The following FIG4 variants were observed in gnomAD, a reference collection of about 807,000 sequenced individuals.
FIG4 encodes FIG4 phosphoinositide 5-phosphatase.
In FIG4, 112 loss-of-function variants were observed where a neutral mutation model predicts 118.6. The observed-to-expected ratio is 0.94, with a 90% CI of 0.81 to 1.11. The LOEUF (loss-of-function observed/expected upper bound fraction) is 1.11, where lower values mean the gene tolerates loss of function less well. Ranked by LOEUF, FIG4 falls within the 50% of genes least tolerant of loss-of-function variation. The pLI is 0.00. For synonymous variants in FIG4, 369 were observed against 381.2 expected (o/e 0.97, Z 0.37); for missense variants, 969 against 1,111.7 (o/e 0.87, Z 1.83).
intron 10 of FIG4, among the ~76,000 whole-genome samples, chr6:109,751,705 G>C (rs1776702214): frequency 6.6e-6 from 1 of 151,762 alleles, no homozygotes. Context: ...TTTGCATAGA[G>C]GTGTTTATAG....
intron 19 of FIG4, among the ~76,000 whole-genome samples, chr6:109,790,027 C>A (rs181366681): frequency 6.6e-6 from 1 of 152,230 alleles, no homozygotes; most frequent in Admixed American, 6.5e-5. Flanking sequence ...AGCAAATATA[C>A]CCTGTTACGG....
chr6:109,782,587 G>A (rs1165835295), intron 16 of FIG4, among the ~76,000 whole-genome samples: 1 of 141,536 alleles, frequency 7.1e-6, no homozygotes, highest in Non-Finnish European at 1.5e-5. Context: ...CAAGCTGATT[G>A]TAAGCAACAT....
intron 1 of FIG4, among the ~76,000 whole-genome samples, chr6:109,702,697 T>C (rs886643395): frequency 6.6e-6 from 1 of 152,204 alleles, no homozygotes; most frequent in African/African-American, 2.4e-5. Flanking sequence ...ATTTATCTCC[T>C]TTCCCTACCA....
chr6:109,788,415 G>T (rs1459825799), intron 18 of FIG4, among the ~76,000 whole-genome samples: 1 of 152,192 alleles, frequency 6.6e-6, no homozygotes, highest in African/African-American at 2.4e-5. Flanking sequence ...CACCAAAAAT[G>T]TGAAAAACAT....
intron 12 of FIG4, among the ~76,000 whole-genome samples, chr6:109,762,689 A>C (rs1777148744): frequency 6.6e-6 from 1 of 151,756 alleles, no homozygotes; most frequent in Admixed American, 6.6e-5. Flanking sequence ...CAGTTAATGT[A>C]GTTAACTACA....
intron 22 of FIG4, among the ~76,000 whole-genome samples, chr6:109,812,094 A>C (rs1251555428): frequency 6.6e-6 from 1 of 152,040 alleles, no homozygotes; most frequent in African/African-American, 2.4e-5. Flanking sequence ...ATGGTTTTAT[A>C]AGGAGCTCTT....
chr6:109,783,489 C>G (rs776979501), intron 16 of FIG4, among the ~76,000 whole-genome samples: 3 of 152,032 alleles, frequency 2.0e-5, no homozygotes, highest in South Asian at 2.1e-4. Flanking sequence ...CTTTCAGGTG[C>G]GAAACTTGTT....
At chr6:109,780,725 G>A (rs1488298384) in intron 16 of FIG4, among the ~76,000 whole-genome samples, 2 of 152,090 alleles carry the variant, frequency 1.3e-5, no homozygotes, top group Non-Finnish European at 2.9e-5. Context: ...ATAGATAATG[G>A]CGTGGCATAT....
intron 16 of FIG4, among the ~76,000 whole-genome samples, chr6:109,778,561 G>A (rs1033191946): frequency 2.0e-5 from 3 of 151,870 alleles, no homozygotes; most frequent in African/African-American, 7.3e-5. Flanking sequence ...AACTGACAGA[G>A]TTGCAAGTAC....
At chr6:109,769,471 G>A (rs764310986) in intron 15 of FIG4, among the ~76,000 whole-genome samples, 1 of 152,102 alleles carries the variant, frequency 6.6e-6, no homozygotes, top group Non-Finnish European at 1.5e-5. Context: ...TCATTGGGGT[G>A]TACAACTTAT....
intron 7 of FIG4, 148 bp downstream of exon 7, chr6:109,738,601 A>T: frequency 1.4e-6 from 1 of 734,484 alleles, no homozygotes; most frequent in Non-Finnish European, 2.4e-6. Context: ...TAGCAGAAAT[A>T]CAAAGAAGAA....
chr6:109,723,098 G>A (rs1407252845), intron 3 of FIG4, among the ~76,000 whole-genome samples: 1 of 152,188 alleles, frequency 6.6e-6, no homozygotes, highest in Non-Finnish European at 1.5e-5. Context: ...TTGGATAAAT[G>A]TTTCTCCACT....
Position 109,825,206 on chromosome 6 carries a change from C to A in FIG4, c.2665C>A (p.Pro889Thr), listed in dbSNP as rs975215390. ...CCAGGCCAGCCAAGGTATCATGCAG[C>A]CCCTAGGAAAAGAGGACTCCTCCAT... is the stretch of plus-strand genomic sequence containing the variant. ...HIQASQGIMQ[P>T]LGKEDSSMYR... The change falls in exon 23 of 23, where the codon CCC (proline) becomes ACC (threonine). Residue 889 changes from proline to threonine, a missense_variant. By Grantham distance (38) the Pro-to-Thr change is conservative. Coordinates refer to ENST00000230124, the MANE Select transcript of FIG4 (RefSeq NM_014845.6). The A allele has an allele frequency of 1.9e-6, 3 of 1,613,918 alleles. No individual in the cohort carries two copies. Among genetic ancestry groups the A allele is most frequent in the Non-Finnish European group, 2.5e-6 (3 of 1,179,974 alleles).
rs551339249 is a variant in FIG4, at chr6:109,727,169, C to T, written c.350C>T (p.Ala117Val). ...TTAATAACTAAAAGGAGGAAGATGG[C>T]GGATATTGGAGGTCATGCAATCTAT... ...IVLITKRRKM[A>V]DIGGHAIYKV... Residue 117 changes from alanine (A) to valine (V), a missense_variant, in exon 4 of 23, where the codon GCG (alanine) becomes GTG (valine). By Grantham distance (64) the Ala-to-Val change is moderately conservative. Around this residue, in one of 3 missense-constraint regions of FIG4, gnomAD observed 393 missense variants for 409.4 expected, o/e 0.96. Transcript: ENST00000230124. The T allele has an allele frequency of 5.7e-5, 92 of 1,610,178 alleles. No homozygotes were observed. The highest frequency in any genetic ancestry group is 8.8e-5 in the South Asian group (8 of 91,008).
chr6:109,748,444 T>C (rs1776574196), intron 10 of FIG4, among the ~76,000 whole-genome samples: 1 of 151,996 alleles, frequency 6.6e-6, no homozygotes, highest in Non-Finnish European at 1.5e-5. Context: ...ATTGCAGTCC[T>C]CACGAGGTGG....
intron 16 of FIG4, among the ~76,000 whole-genome samples, chr6:109,782,642 C>T (rs1373636546): frequency 1.3e-5 from 2 of 152,282 alleles, no homozygotes; most frequent in East Asian, 1.9e-4. Context: ...CTACTTTACT[C>T]GTCTGCCAGT....
At chr6:109,785,091 C>G in intron 17 of FIG4, 63 bp downstream of exon 17, 1 of 896,700 alleles carries the variant, frequency 1.1e-6, no homozygotes, top group Non-Finnish European at 1.9e-6. Context: ...CCTTAATGAA[C>G]TTGAAGCATT....
chr6:109,820,560 G>A (rs910275185), intron 22 of FIG4, among the ~76,000 whole-genome samples: 1 of 152,122 alleles, frequency 6.6e-6, no homozygotes, highest in African/African-American at 2.4e-5. Flanking sequence ...GTAAGGAGGG[G>A]TGGTGTAGCA....
intron 22 of FIG4, 75 bp from the exon 23 acceptor site, chr6:109,825,013 G>A (rs749775610): frequency 5.8e-6 from 8 of 1,384,582 alleles, no homozygotes; most frequent in Non-Finnish European, 8.2e-6. Context: ...ACTCTCAAGT[G>A]CTTCTGAGAC....
Sources: allele counts gnomAD v4.1 joint callset (sites outside exome capture counted in the v4.1 genomes callset), GRCh38; gene constraint gnomAD v4.1.1; regional missense constraint gnomAD v4.1.1; transcripts MANE v1.5; gene names NCBI Gene and HGNC (gene_info 2026-07-23, HGNC 2026-07-21).